Variants in USP14 observed in about 807,000 individuals in gnomAD.
USP14 encodes ubiquitin specific peptidase 14, also known as ubiquitin carboxyl-terminal hydrolase 14.
Under a neutral mutation model 76.5 loss-of-function variants are expected in USP14, and 38 were observed. That is an observed-to-expected ratio of 0.50 (90% CI 0.38 to 0.65). USP14 has a LOEUF of 0.65. Among genes scored for constraint, USP14 ranks in the 30% least tolerant of loss-of-function variants. The pLI is 0.00. For synonymous variants in USP14, 192 were observed against 191.7 expected (o/e 1.00, Z -0.01); for missense variants, 467 against 586.5 (o/e 0.80, Z 2.10).
In USP14 at chr18:191,913, C is replaced by T. The variant is rs376338969; in HGVS notation, c.405-929C>T. Among the ~76,000 whole-genome samples, 80 of 152,186 alleles carry T rather than the reference C, an allele frequency of 5.3e-4. 1 individual carries two copies. The South Asian group carries it at 7.9e-3, about 15-fold the overall frequency. On this transcript the variant is annotated intron_variant, in intron 5 of 15. Transcript: ENST00000261601. ...TTTGATATTAACTGAATGATAATTT[C>T]TGAGCTTTTGTAATAAGACATTGTG...
rs765869416 is a variant in USP14 at position 202,915 on chromosome 18, G to A, written c.912G>A (p.Thr304=). The change falls in exon 11 of 16, where the codon ACG becomes ACA. Residue 304 remains threonine (T), a synonymous_variant. Coordinates refer to ENST00000261601, the MANE Select transcript of USP14 (RefSeq NM_005151.4). ...AAGAAATCACCAAACAGTCTCCAAC[G>A]TTGCAAAGAAATGCCTTGTATATCA... ...LQEEITKQSP[T]LQRNALYIKS... is the part of the protein sequence containing the mutation. The A allele has an allele frequency of 4.3e-6, 7 of 1,613,936 alleles. No individual in the cohort carries two copies. In the African/African-American group the frequency reaches 5.3e-5, roughly 12 times the overall value.
At position 163,289 on chromosome 18, in the gene USP14, A is replaced by G. The variant is rs1380679662; in HGVS notation, c.17-19A>G. Reference sequence around the variant, plus strand: ...GTCTTGTTATTTTTTAATTAAAAAAATTGTGATTTTGTTTGCAGTTACTGT... The same window carrying G: ...GTCTTGTTATTTTTTAATTAAAAAAGTTGTGATTTTGTTTGCAGTTACTGT... On this transcript the variant is annotated intron_variant, in intron 1 of 15. Transcript: ENST00000261601. 1 of 1,578,944 alleles carries G rather than the reference A, an allele frequency of 6.3e-7. No individual in the cohort carries two copies. Among genetic ancestry groups the G allele is most frequent in the Non-Finnish European group, 8.6e-7 (1 of 1,161,488 alleles).
Position 211,128 on chromosome 18 carries a change from T to C in USP14, c.1334-5T>C, listed in dbSNP as rs199643514. 2.5e-6 allele frequency: 4 copies of C among 1,609,168 alleles called. No individual in the cohort carries two copies. The Admixed American group carries it at 5.0e-5, about 20-fold the overall frequency. On this transcript the variant is annotated splice_region_variant and splice_polypyrimidine_tract_variant and intron_variant, in intron 15 of 15. Transcript: ENST00000261601. ...TTAATTCATCTTCTTGTCCCTGTTA[T>C]TTAGATGAATGGATTAAGTTTGATG...
At chr18:209,227 G>A (rs1910608008) in intron 13 of USP14, among the ~76,000 whole-genome samples, 1 of 151,836 alleles carries the variant, frequency 6.6e-6, no homozygotes, top group Admixed American at 6.6e-5. Flanking sequence ...AGTGATTGCT[G>A]TAGGTGATTT....
At chr18:173,261 C>T (rs1389415957) in intron 3 of USP14, among the ~76,000 whole-genome samples, 23 of 151,844 alleles carry the variant, frequency 1.5e-4, no homozygotes, top group African/African-American at 4.8e-4. Flanking sequence ...GTGCCTGCCA[C>T]CACACCCGGC....
intron 5 of USP14, among the ~76,000 whole-genome samples, chr18:188,869 T>G (rs570294783): frequency 3.3e-5 from 5 of 151,878 alleles, no homozygotes; most frequent in Admixed American, 6.6e-5. Context: ...AGTAGAGACG[T>G]GGTTTCACCA....
intron 10 of USP14, among the ~76,000 whole-genome samples, chr18:199,675 T>C (rs868280798): frequency 6.6e-6 from 1 of 152,194 alleles, no homozygotes. Context: ...GAAAATATAC[T>C]TGTTAGAGAA....
At chr18:168,810 C>T (rs931964503) in intron 3 of USP14, among the ~76,000 whole-genome samples, 1 of 151,912 alleles carries the variant, frequency 6.6e-6, no homozygotes, top group African/African-American at 2.4e-5. Context: ...CGGTGGCTCA[C>T]GCCTGTAATC....
At chr18:209,284 G>A (rs903683047) in intron 13 of USP14, among the ~76,000 whole-genome samples, 1 of 151,944 alleles carries the variant, frequency 6.6e-6, no homozygotes, top group African/African-American at 2.4e-5. Flanking sequence ...GCCATTTTTT[G>A]TTGTGGAATC....
At chr18:164,563 T>TA (rs1469174130) in intron 2 of USP14, among the ~76,000 whole-genome samples, 1 of 151,774 alleles carries the variant, frequency 6.6e-6, no homozygotes, top group Non-Finnish European at 1.5e-5. Context: ...AAGCGATTCT[T>TA]ATGCCTCAGC....
In USP14 at chr18:213,074, T is replaced by TAA. The variant is rs1418212590; in HGVS notation, c.*1791_*1792dup. ...ATACTTTCTACTTTGTGGAGGGGAT[T>TAA]AAGAATAGAATGGGCAGGATGAGAC... On this transcript the variant is annotated 3_prime_UTR_variant, in exon 16 of 16. Transcript: ENST00000261601. 1 of 152,186 alleles carries TAA rather than the reference T, an allele frequency of 6.6e-6. No homozygotes were observed. Among genetic ancestry groups the TAA allele is most frequent in the East Asian group, 1.9e-4 (1 of 5,194 alleles). 9.4% of individuals were successfully genotyped at this position (152,186 alleles called of 1,614,324 possible).
intron 15 of USP14, 70 bp downstream of exon 15, chr18:210,563 G>C (rs1485136180): frequency 1.6e-6 from 2 of 1,220,156 alleles, no homozygotes; most frequent in Admixed American, 2.4e-5. Flanking sequence ...TTTTATAGCA[G>C]TGTGGTTTTC....
chr18:171,227 G>C (rs117692694), intron 3 of USP14, among the ~76,000 whole-genome samples: 1 of 151,812 alleles, frequency 6.6e-6, no homozygotes, highest in African/African-American at 2.4e-5. Flanking sequence ...CAGATTTTCA[G>C]TGTGGATGAA....
At chr18:186,739 G>T (rs1183782220) in intron 5 of USP14, among the ~76,000 whole-genome samples, 1 of 152,028 alleles carries the variant, frequency 6.6e-6, no homozygotes, top group Non-Finnish European at 1.5e-5. Context: ...GTGACAGAGG[G>T]AGACTGTGTC....
chr18:171,087 GT>G (rs1909450617), intron 3 of USP14, among the ~76,000 whole-genome samples: 1 of 141,068 alleles, frequency 7.1e-6, no homozygotes, highest in South Asian at 2.3e-4. Flanking sequence ...GGTTCACGAG[GT>G]TTAAAGAAAG....
chr18:193,053 T>C (rs1353026119), intron 6 of USP14, among the ~76,000 whole-genome samples, 153 bp downstream of exon 6: 3 of 152,188 alleles, frequency 2.0e-5, no homozygotes, highest in Non-Finnish European at 4.4e-5. Context: ...TTGGTACTTA[T>C]TTTATCGTCC....
chr18:191,452 A>G (rs1322533040), intron 5 of USP14, among the ~76,000 whole-genome samples: 1 of 152,192 alleles, frequency 6.6e-6, no homozygotes, highest in East Asian at 1.9e-4. Flanking sequence ...TGAAATGCAT[A>G]TATCTTAAGT....
intron 3 of USP14, among the ~76,000 whole-genome samples, chr18:177,923 T>G (rs1373139766): frequency 6.6e-6 from 1 of 152,234 alleles, no homozygotes; most frequent in Non-Finnish European, 1.5e-5. Context: ...ATAGAGAATT[T>G]AATGCTCTAA....
In USP14 at chr18:198,138, C is replaced by T; in HGVS notation, c.761+6C>T. 6.2e-7 allele frequency: 1 copy of T among 1,600,070 alleles called. No individual in the cohort carries two copies. Among genetic ancestry groups the T allele is most frequent in the Non-Finnish European group, 8.5e-7 (1 of 1,171,550 alleles). On this transcript the variant is annotated splice_donor_region_variant and intron_variant, in intron 9 of 15. Coordinates refer to ENST00000261601, the MANE Select transcript of USP14 (RefSeq NM_005151.4). ...GGTGTTGAGTTTGAAACTACGTATCCTTATGAGCCAAGATATAGACTATAC... is the reference window on the plus strand; with the variant it reads ...GGTGTTGAGTTTGAAACTACGTATCTTTATGAGCCAAGATATAGACTATAC...
Sources: allele counts gnomAD v4.1 joint callset (sites outside exome capture counted in the v4.1 genomes callset), GRCh38; gene constraint gnomAD v4.1.1; transcripts MANE v1.5; gene names NCBI Gene and HGNC (gene_info 2026-07-23, HGNC 2026-07-21).